FAM174B: variants seen among roughly 807,000 people sequenced by gnomAD.
FAM174B encodes the protein family with sequence similarity 174 member B, also known as membrane protein FAM174B.
In FAM174B, 12 loss-of-function variants were observed where a neutral mutation model predicts 10.9. That is an observed-to-expected ratio of 1.10 (90% CI 0.71 to 1.79). The LOEUF (loss-of-function observed/expected upper bound fraction) is 1.79. FAM174B is among the 40% of genes most tolerant of loss of function. The pLI is 0.00. For missense variants in FAM174B, 266 were observed against 233.3 expected, an observed-to-expected ratio of 1.14 and a Z score of -0.91; for synonymous variants, 132 against 115.8, an observed-to-expected ratio of 1.14 and a Z score of -0.90.
chr15:92,632,816 C>A (rs982488313), intron 1 of FAM174B, among the ~76,000 whole-genome samples: 1 of 152,112 alleles, frequency 6.6e-6, no homozygotes, highest in East Asian at 1.9e-4. Flanking sequence ...GGACACCGTG[C>A]CAGACCTAAC....
chr15:92,631,991 T>C (rs1448973056), intron 1 of FAM174B, among the ~76,000 whole-genome samples: 1 of 152,204 alleles, frequency 6.6e-6, no homozygotes, highest in Non-Finnish European at 1.5e-5. Flanking sequence ...TTCATCTCCC[T>C]GAGCTTCCAT....
intron 1 of FAM174B, among the ~76,000 whole-genome samples, chr15:92,630,971 CATATTAT>C (rs2050794562): frequency 1.1e-3 from 3 of 2,740 alleles, no homozygotes; most frequent in South Asian, 0.083. Context: ...TTACATATTA[CATATTAT>C]ATATTATATA....
chr15:92,622,391 G>A (rs1230938463), intron 2 of FAM174B, among the ~76,000 whole-genome samples: 1 of 152,216 alleles, frequency 6.6e-6, no homozygotes, highest in East Asian at 1.9e-4. Flanking sequence ...TCCAGGAGGT[G>A]GTAGAGCCAT....
intron 1 of FAM174B, among the ~76,000 whole-genome samples, chr15:92,651,434 CAT>C (rs1387745068): frequency 1.3e-5 from 2 of 152,292 alleles, no homozygotes; most frequent in Middle Eastern, 3.4e-3. Flanking sequence ...TATGCAGAAA[CAT>C]ATCGTGAATA....
intron 2 of FAM174B, among the ~76,000 whole-genome samples, chr15:92,621,090 ATACT>A (rs1484766321): frequency 1.3e-5 from 2 of 152,220 alleles, no homozygotes; most frequent in Admixed American, 6.5e-5. Context: ...TAGGAAATAG[ATACT>A]TAATCATTTG....
At chr15:92,619,672 C>T (rs12324337) in intron 2 of FAM174B, 44,085 of 603,830 alleles carry the variant, frequency 0.073, 3,019 homozygotes, top group East Asian at 0.26. Context: ...AGGATCCCTC[C>T]CCCAGCTCCC....
At chr15:92,644,985 A>C (rs955261799) in intron 1 of FAM174B, among the ~76,000 whole-genome samples, 5 of 152,310 alleles carry the variant, frequency 3.3e-5, no homozygotes, top group Middle Eastern at 3.4e-3. Context: ...CAGATCAAAA[A>C]ACAAAACAAA....
intron 1 of FAM174B, among the ~76,000 whole-genome samples, chr15:92,642,364 TG>T (rs1294153835): frequency 6.6e-6 from 1 of 152,206 alleles, no homozygotes; most frequent in Non-Finnish European, 1.5e-5. Flanking sequence ...CTCATATACT[TG>T]TTCAGAGCAG....
Position 92,626,762 on chromosome 15 carries a change from C to G in FAM174B, c.476+3452G>C, listed in dbSNP as rs202023301. Reference sequence around the variant, plus strand: ...AACACTATTCCTGTATTAAAAACCACCAAGTGCTGGCCGGGCGCCATGGCT... The same window carrying G: ...AACACTATTCCTGTATTAAAAACCAGCAAGTGCTGGCCGGGCGCCATGGCT... On this transcript the variant is annotated intron_variant, in intron 2 of 2. Coordinates refer to ENST00000327355, the MANE Select transcript of FAM174B (RefSeq NM_207446.3). Among the ~76,000 whole-genome samples, 28 of 152,260 alleles carry G rather than the reference C, an allele frequency of 1.8e-4. No individual in the cohort carries two copies. In the East Asian group the frequency reaches 5.0e-3, roughly 27 times the overall value.
At chr15:92,628,241 T>C (rs1004758550) in intron 2 of FAM174B, among the ~76,000 whole-genome samples, 1 of 151,818 alleles carries the variant, frequency 6.6e-6, no homozygotes, top group African/African-American at 2.4e-5. Flanking sequence ...CATGGCTCAC[T>C]GCAGCCTTGA....
intron 1 of FAM174B, among the ~76,000 whole-genome samples, chr15:92,631,873 C>T (rs116344514): frequency 0.011 from 1,618 of 152,220 alleles, 39 homozygotes; most frequent in African/African-American, 0.036. Flanking sequence ...CAATGAGGAC[C>T]GGGTTTGTCA....
At chr15:92,634,154 T>C (rs972960370) in intron 1 of FAM174B, among the ~76,000 whole-genome samples, 1 of 152,174 alleles carries the variant, frequency 6.6e-6, no homozygotes, top group Non-Finnish European at 1.5e-5. Context: ...AGAAAAGAAA[T>C]GTCCTTCAAA....
At chr15:92,644,367 T>C (rs528463309) in intron 1 of FAM174B, among the ~76,000 whole-genome samples, 27 of 152,224 alleles carry the variant, frequency 1.8e-4, no homozygotes, top group Admixed American at 1.2e-3. Context: ...ACCGGTGTGA[T>C]AGAAATCTCA....
chr15:92,650,544 CGTT>C (rs2050959453), intron 1 of FAM174B, among the ~76,000 whole-genome samples: 1 of 152,182 alleles, frequency 6.6e-6, no homozygotes. Flanking sequence ...ATGAAAGGAA[CGTT>C]GTGGTTTCGA....
At position 92,655,342 on chromosome 15, in the gene FAM174B, G is replaced by A. The variant is rs371887853; in HGVS notation, c.318C>T (p.Ile106=). The A allele has an allele frequency of 2.1e-4, 326 of 1,578,718 alleles. 1 individual carries two copies. The highest frequency in any genetic ancestry group is 1.1e-3 in the East Asian group (43 of 40,056). The change falls in exon 1 of 3, where the codon ATC becomes ATT. Residue 106 remains isoleucine, a synonymous_variant. Transcript: ENST00000327355. Reference sequence around the variant, plus strand: ...TGAAGACGCGCAGCAGCAGGCAGGCGATGAGGAGGGTGGTAAAGGCGAACG... The same window carrying A: ...TGAAGACGCGCAGCAGCAGGCAGGCAATGAGGAGGGTGGTAAAGGCGAACG... The part of the protein sequence containing the change: ...IVAFAFTTLL[I]ACLLLRVFRS...
chr15:92,640,216 A>T (rs112474934), intron 1 of FAM174B, among the ~76,000 whole-genome samples: 1 of 152,180 alleles, frequency 6.6e-6, no homozygotes, highest in African/African-American at 2.4e-5. Context: ...CCATTTTTTT[A>T]AAAAAGGATG....
rs114466924 is a variant in FAM174B at position 92,645,152 on chromosome 15, G to A, written c.344+10164C>T. ...CCCAGAGAGATGTAATGATATGCAC[G>A]TTCCACTAAATCCTTCCTTATCTCT... is the stretch of plus-strand genomic sequence containing the variant. On this transcript the variant is annotated intron_variant, in intron 1 of 2. Coordinates refer to ENST00000327355, the MANE Select transcript of FAM174B (RefSeq NM_207446.3). Among the ~76,000 whole-genome samples the A allele has an allele frequency of 5.8e-3, 880 of 152,296 alleles. 7 individuals carry two copies. Among genetic ancestry groups the A allele is most frequent in the African/African-American group, 0.02 (829 of 41,560 alleles).
At position 92,630,414 on chromosome 15, in the gene FAM174B, A is replaced by G. The variant is rs554566006; in HGVS notation, c.345-69T>C. 1.4e-5 allele frequency: 21 copies of G among 1,469,692 alleles called. No homozygotes were observed. In the South Asian group the frequency reaches 2.2e-4, roughly 15 times the overall value. The allele number at this position is 1,469,692 out of a possible 1,614,324, so 91.0% of individuals were successfully genotyped here. A position where few individuals can be genotyped will look rare whatever the true frequency, so the allele number is the denominator to read the frequency against. On this transcript the variant is annotated intron_variant, in intron 1 of 2. Coordinates refer to ENST00000327355, the MANE Select transcript of FAM174B (RefSeq NM_207446.3). ...AAAGAGTCACTGGGCCCCAAGCCCC[A>G]GAGGACCCGACAGCAACTTAGCAGC...
chr15:92,644,046 C>T (rs74029165), intron 1 of FAM174B, among the ~76,000 whole-genome samples: 1,597 of 152,258 alleles, frequency 0.01, 26 homozygotes, highest in African/African-American at 0.035. Context: ...CTGAGCTCTA[C>T]GCTGCACCTC....
Sources: allele counts gnomAD v4.1 joint callset (sites outside exome capture counted in the v4.1 genomes callset), GRCh38; gene constraint gnomAD v4.1.1; transcripts MANE v1.5; gene names NCBI Gene and HGNC (gene_info 2026-07-23, HGNC 2026-07-21).